Variants in WDR26 observed in about 807,000 individuals in gnomAD.
WDR26 encodes WD repeat-containing protein 26.
Under a neutral mutation model 84.1 loss-of-function variants are expected in WDR26, and 5 were observed. The observed-to-expected ratio is 0.06, with a 90% CI of 0.03 to 0.13. The LOEUF (loss-of-function observed/expected upper bound fraction) is 0.13. Among genes scored for constraint, WDR26 ranks in the 10% least tolerant of loss-of-function variants. The pLI is 1.00. For missense variants in WDR26, 642 were observed against 974.9 expected, an observed-to-expected ratio of 0.66 and a Z score of 4.55; for synonymous variants, 415 against 389.6, an observed-to-expected ratio of 1.07 and a Z score of -0.77.
Position 224,433,819 on chromosome 1 carries a change from G to A in WDR26, c.587C>T (p.Ser196Phe), listed in dbSNP as rs1196548584. The change falls in exon 1 of 14, where the codon TCC becomes TTC. Residue 196 changes from serine to phenylalanine, a missense_variant. Transcript: ENST00000414423. ...GGAAGAGGAGGCGGCGGTGGTGGCG[G>A]AGGCAGCTGCGACGGTGGCTGAGGA... 16 of 1,536,858 alleles carry A rather than the reference G, an allele frequency of 1.0e-5. No individual in the cohort carries two copies. The highest frequency in any genetic ancestry group is 1.2e-5 in the Non-Finnish European group (14 of 1,146,832).
Position 224,389,875 on chromosome 1 carries a change from GATGA to G in WDR26, c.2261-19_2261-16del. The G allele has an allele frequency of 4.1e-6, 2 of 488,720 alleles. No homozygotes were observed. Among genetic ancestry groups the G allele is most frequent in the East Asian group, 1.9e-4 (2 of 10,310 alleles). 30.3% of individuals were successfully genotyped at this position (488,720 alleles called of 1,614,324 possible). Reference sequence around the variant, plus strand: ...ACTGCATTCCTCTGAATGAAGACAAGATGAAATGTATGGGGGGCGGGCGGGGGAG... The same window carrying G: ...ACTGCATTCCTCTGAATGAAGACAAGAATGTATGGGGGGCGGGCGGGGGAG... On this transcript the variant is annotated splice_polypyrimidine_tract_variant and intron_variant, in intron 13 of 13. Coordinates refer to ENST00000414423, the MANE Select transcript of WDR26 (RefSeq NM_001379403.1).
Position 224,388,680 on chromosome 1 carries a change from G to T in WDR26, c.*1155C>A, listed in dbSNP as rs1167811871. The T allele has an allele frequency of 1.1e-4, 17 of 152,592 alleles. No homozygotes were observed. The highest frequency in any genetic ancestry group is 2.5e-4 in the Non-Finnish European group (17 of 68,028). The allele number at this position is 152,592 out of a possible 1,614,324, so 9.5% of individuals were successfully genotyped here. On this transcript the variant is annotated 3_prime_UTR_variant, in exon 14 of 14. Coordinates refer to ENST00000414423, the MANE Select transcript of WDR26 (RefSeq NM_001379403.1). ...AAGGGCAATTAAGAAAAATGACTAT[G>T]AGGTTTTAATCCCAGTTTAAGTATG... is the stretch of plus-strand genomic sequence containing the variant.
At position 224,387,423 on chromosome 1, in the gene WDR26, A is replaced by G. The variant is rs1572146000; in HGVS notation, c.*2412T>C. ...TATGTACAGGAAGCTGCCAGTTAAG[A>G]CAGACCCGGAAAACAAACTCACCTA... is the stretch of plus-strand genomic sequence containing the variant. On this transcript the variant is annotated 3_prime_UTR_variant, in exon 14 of 14. Transcript: ENST00000414423. The G allele has an allele frequency of 6.6e-6, 1 of 152,650 alleles. No homozygotes were observed. The highest frequency in any genetic ancestry group is 1.5e-5 in the Non-Finnish European group (1 of 68,032). 9.5% of individuals were successfully genotyped at this position (152,650 alleles called of 1,614,324 possible).
At chr1:224,408,758 T>C (rs1273529371) in intron 7 of WDR26, among the ~76,000 whole-genome samples, 12 of 152,020 alleles carry the variant, frequency 7.9e-5, no homozygotes, top group African/African-American at 2.9e-4. Context: ...TATTTCGACT[T>C]GTAAAGCTTC....
intron 7 of WDR26, among the ~76,000 whole-genome samples, chr1:224,407,665 T>A (rs1673621294): frequency 6.6e-6 from 1 of 151,722 alleles, no homozygotes; most frequent in African/African-American, 2.4e-5. Flanking sequence ...CGCACTACCA[T>A]GCCAGACTAA....
intron 13 of WDR26, 127 bp from the exon 14 acceptor site, chr1:224,389,987 T>TA (rs1377637871): frequency 1.5e-6 from 1 of 663,698 alleles, no homozygotes; most frequent in Non-Finnish European, 2.5e-6. Context: ...ATACTAACAT[T>TA]AAAAAATCAA....
intron 7 of WDR26, among the ~76,000 whole-genome samples, chr1:224,407,172 A>ATATATATATG (rs1491214480): frequency 2.7e-5 from 3 of 111,984 alleles, no homozygotes; most frequent in African/African-American, 1.1e-4. Flanking sequence ...ATATATATAT[A>ATATATATATG]ACTCAAAAAC....
chr1:224,392,087 C>G (rs142724835), intron 13 of WDR26, among the ~76,000 whole-genome samples: 1 of 152,050 alleles, frequency 6.6e-6, no homozygotes, highest in African/African-American at 2.4e-5. Context: ...TCTGGCTGGT[C>G]GCGGTGGCTC....
intron 8 of WDR26, among the ~76,000 whole-genome samples, chr1:224,403,868 T>G (rs561647385): frequency 6.6e-6 from 1 of 150,814 alleles, no homozygotes; most frequent in African/African-American, 2.4e-5. Flanking sequence ...ACCCAGGAGG[T>G]GGAGGCTGCA....
chr1:224,388,846 G>GAAAACC lies in WDR26; in HGVS notation c.*983_*988dup, dbSNP rs918443291. On this transcript the variant is annotated 3_prime_UTR_variant, in exon 14 of 14. Coordinates refer to ENST00000414423, the MANE Select transcript of WDR26 (RefSeq NM_001379403.1). ...AGAACAACTTGGAACAAGCTTTACT[G>GAAAACC]AAAACCAACTGACTACTGATGTCTC... 3.3e-5 allele frequency: 5 copies of GAAAACC among 152,672 alleles called. No homozygotes were observed. The highest frequency in any genetic ancestry group is 9.6e-5 in the African/African-American group (4 of 41,542). 9.5% of individuals were successfully genotyped at this position (152,672 alleles called of 1,614,324 possible).
In WDR26 at chr1:224,419,542, A is replaced by T. The variant is rs1673996813; in HGVS notation, c.1138T>A (p.Ser380Thr). The change falls in exon 5 of 14, where the codon TCT (serine) becomes ACT (threonine). Residue 380 changes from serine to threonine, a missense_variant. Ser to Thr is a moderately conservative substitution (Grantham distance 58). Around this residue, in one of 2 missense-constraint regions of WDR26, gnomAD observed 351 missense variants for 672.8 expected, o/e 0.52. Transcript: ENST00000414423. ...CTCTGAAGTTTATCCAATAGTTTAG[A>T]TCGGGAAGCTGTCCCTTTGCCTTCC... 6.2e-7 allele frequency: 1 copy of T among 1,613,964 alleles called. No individual in the cohort carries two copies. Among genetic ancestry groups the T allele is most frequent in the Non-Finnish European group, 8.5e-7 (1 of 1,179,936 alleles).
At chr1:224,427,313 CTTAATAT>C (rs1285738176) in intron 3 of WDR26, among the ~76,000 whole-genome samples, 1 of 151,774 alleles carries the variant, frequency 6.6e-6, no homozygotes. Flanking sequence ...TTTTTATTTA[CTTAATAT>C]TTATTTTTTT....
chr1:224,406,707 T>G (rs1277664940), intron 7 of WDR26, among the ~76,000 whole-genome samples: 3 of 152,162 alleles, frequency 2.0e-5, no homozygotes, highest in Admixed American at 2.0e-4. Flanking sequence ...TTAAATAATT[T>G]ACTAAGCAAG....
intron 7 of WDR26, among the ~76,000 whole-genome samples, chr1:224,410,763 G>T (rs951428197): frequency 1.4e-5 from 2 of 144,466 alleles, no homozygotes; most frequent in Non-Finnish European, 3.0e-5. Flanking sequence ...CAGTATCAAG[G>T]TCACAGCTCA....
At chr1:224,407,909 T>C (rs1477479435) in intron 7 of WDR26, among the ~76,000 whole-genome samples, 3 of 152,206 alleles carry the variant, frequency 2.0e-5, no homozygotes, top group Non-Finnish European at 4.4e-5. Flanking sequence ...GGACTCACTA[T>C]AATACAGCTA....
intron 5 of WDR26, among the ~76,000 whole-genome samples, chr1:224,419,011 C>T (rs921533157): frequency 1.3e-5 from 2 of 152,138 alleles, no homozygotes; most frequent in African/African-American, 4.8e-5. Flanking sequence ...TTCTTAGGAT[C>T]GTCACTGTCA....
chr1:224,434,149 ACAG>A lies in WDR26; in HGVS notation c.254_256del (p.Ala85del). ...GCTGTGGCCGCTACTTCGGTGGGGGACAGCAGCGGCGGCGGGAGGGGCAGCAGC... is the reference window on the plus strand; with the variant it reads ...GCTGTGGCCGCTACTTCGGTGGGGGACAGCGGCGGCGGGAGGGGCAGCAGC... On this transcript the variant is annotated inframe_deletion, in exon 1 of 14. Coordinates refer to ENST00000414423, the MANE Select transcript of WDR26 (RefSeq NM_001379403.1). 2 of 1,420,104 alleles carry A rather than the reference ACAG, an allele frequency of 1.4e-6. No individual in the cohort carries two copies. Among genetic ancestry groups the A allele is most frequent in the Non-Finnish European group, 1.8e-6 (2 of 1,091,278 alleles). 88.0% of individuals were successfully genotyped at this position (1,420,104 alleles called of 1,614,324 possible). A position where few individuals can be genotyped will look rare whatever the true frequency, so the allele number is the denominator to read the frequency against.
chr1:224,409,540 TA>T (rs1673675230), intron 7 of WDR26, among the ~76,000 whole-genome samples: 1 of 152,220 alleles, frequency 6.6e-6, no homozygotes, highest in African/African-American at 2.4e-5. Context: ...AGAATTGGTG[TA>T]TGCTCTCAAA....
At chr1:224,423,076 A>C (rs1348092194) in intron 4 of WDR26, among the ~76,000 whole-genome samples, 1 of 152,206 alleles carries the variant, frequency 6.6e-6, no homozygotes, top group Non-Finnish European at 1.5e-5. Context: ...AGATTATAGA[A>C]ATACCATTAT....
Sources: gnomAD v4.1 joint callset for allele counts (sites outside exome capture counted in the v4.1 genomes callset) on GRCh38, gnomAD v4.1.1 for gene constraint, gnomAD v4.1.1 regional missense constraint, MANE v1.5 for transcripts, NCBI Gene and HGNC (gene_info 2026-07-23, HGNC 2026-07-21) for gene names.